Variants in KANK4 observed in about 807,000 individuals in gnomAD.
KANK4 encodes the protein KN motif and ankyrin repeat domains 4, also known as KN motif and ankyrin repeat domain-containing protein 4.
In KANK4, 50 loss-of-function variants were observed where a neutral mutation model predicts 80.8. That is an observed-to-expected ratio of 0.62 (90% CI 0.49 to 0.78). The LOEUF is 0.78. Ranked by LOEUF, KANK4 falls within the 30% of genes least tolerant of loss-of-function variation. The probability of loss-of-function intolerance (pLI) is 0.00; values close to 1 mark genes in which losing one functional copy is unlikely to be tolerated. For missense variants in KANK4, 1,196 were observed against 1,240.1 expected, an observed-to-expected ratio of 0.96 and a Z score of 0.53; for synonymous variants, 465 against 506.9, an observed-to-expected ratio of 0.92 and a Z score of 1.11.
intron 4 of KANK4, among the ~76,000 whole-genome samples, chr1:62,270,876 G>C (rs1672145305): frequency 6.6e-6 from 1 of 152,094 alleles, no homozygotes; most frequent in Admixed American, 6.6e-5. Flanking sequence ...TGTTATCTGT[G>C]AGCTAAAGGC....
At chr1:62,298,935 T>TA (rs60745398) in intron 1 of KANK4, among the ~76,000 whole-genome samples, 66,663 of 151,318 alleles carry the variant, frequency 0.44, 15,865 homozygotes, top group African/African-American at 0.63. Context: ...TATGTATTAT[T>TA]TTTTTTTTTC....
intron 7 of KANK4, 88 bp downstream of exon 7, chr1:62,263,004 A>G: frequency 1.1e-6 from 1 of 908,784 alleles, no homozygotes; most frequent in South Asian, 1.5e-5. Context: ...TGTACCTTTA[A>G]AGCTATTGAA....
intron 1 of KANK4, among the ~76,000 whole-genome samples, chr1:62,304,652 A>T (rs1644436915): frequency 1.3e-5 from 2 of 151,968 alleles, no homozygotes; most frequent in South Asian, 4.2e-4. Flanking sequence ...TAAGCCCAAC[A>T]ACCTCATGCA....
rs200871424 is a variant in KANK4 at position 62,274,277 on chromosome 1, A to G, written c.827T>C (p.Leu276Ser). 6.2e-7 allele frequency: 1 copy of G among 1,614,032 alleles called. No homozygotes were observed. Among genetic ancestry groups the G allele is most frequent in the African/African-American group, 1.3e-5 (1 of 75,054 alleles). ...TGGCGTAGGGGAGCCAGGGGTGAACAACACCTCTGCTTCTCTGGCATTGTG... is the reference window on the plus strand; with the variant it reads ...TGGCGTAGGGGAGCCAGGGGTGAACGACACCTCTGCTTCTCTGGCATTGTG... ...DEHNAREAEV[L>S]FTPGSPTPSP... Residue 276 changes from leucine to serine, a missense_variant, in exon 3 of 10, where the codon TTG becomes TCG. Physicochemically the swap from Leu to Ser is moderately radical, Grantham distance 145. Around this residue, in one of 3 missense-constraint regions of KANK4, gnomAD observed 1,154 missense variants for 1,179.6 expected, o/e 0.98. Transcript: ENST00000371153.
At chr1:62,262,078 A>C (rs1435893524) in intron 7 of KANK4, among the ~76,000 whole-genome samples, 1 of 152,206 alleles carries the variant, frequency 6.6e-6, no homozygotes, top group African/African-American at 2.4e-5. Flanking sequence ...ATATCTAATG[A>C]AAGATGAATG....
intron 7 of KANK4, among the ~76,000 whole-genome samples, chr1:62,256,466 A>C (rs971748103): frequency 2.0e-5 from 3 of 150,896 alleles, no homozygotes; most frequent in African/African-American, 4.9e-5. Context: ...GCTCACTGCG[A>C]TCTCCGCCTC....
intron 1 of KANK4, among the ~76,000 whole-genome samples, chr1:62,298,448 G>T (rs1046390186): frequency 2.0e-5 from 3 of 152,176 alleles, no homozygotes; most frequent in Admixed American, 6.5e-5. Context: ...CTGGAGTGGG[G>T]CCTCATAGTT....
At chr1:62,253,866 G>T (rs1469671258) in intron 7 of KANK4, among the ~76,000 whole-genome samples, 1 of 152,204 alleles carries the variant, frequency 6.6e-6, no homozygotes, top group Non-Finnish European at 1.5e-5. Flanking sequence ...GACACTGAGG[G>T]CCAGAGAAGT....
At chr1:62,285,319 C>A (rs1243734985) in intron 1 of KANK4, among the ~76,000 whole-genome samples, 1 of 152,230 alleles carries the variant, frequency 6.6e-6, no homozygotes, top group Non-Finnish European at 1.5e-5. Context: ...CCAGGCCAGA[C>A]TGGAAACCAT....
intron 8 of KANK4, among the ~76,000 whole-genome samples, chr1:62,251,728 T>C (rs1671624029): frequency 6.6e-6 from 1 of 152,188 alleles, no homozygotes; most frequent in Non-Finnish European, 1.5e-5. Flanking sequence ...GCGCGGTGGC[T>C]CACGCCTGTA....
At chr1:62,256,540 G>A (rs916739747) in intron 7 of KANK4, among the ~76,000 whole-genome samples, 2 of 152,062 alleles carry the variant, frequency 1.3e-5, no homozygotes, top group Admixed American at 6.5e-5. Context: ...GAGCCATCAC[G>A]CCCCACTAAT....
At chr1:62,311,734 T>C (rs1246549971) in intron 1 of KANK4, among the ~76,000 whole-genome samples, 1 of 152,216 alleles carries the variant, frequency 6.6e-6, no homozygotes, top group Non-Finnish European at 1.5e-5. Flanking sequence ...CAGGGGCTGG[T>C]GGGTTTGTGG....
rs146543306 is a variant in KANK4, at chr1:62,274,486, A to T, written c.618T>A (p.Pro206=). 373 of 1,614,194 alleles carry T rather than the reference A, an allele frequency of 2.3e-4. 2 individuals are homozygous for T. In the African/African-American group the frequency reaches 4.6e-3, roughly 20 times the overall value. Residue 206 remains proline (P), a synonymous_variant, in exon 3 of 10, where the codon CCT becomes CCA. Transcript: ENST00000371153. The part of the protein sequence containing the change: ...EGSVCDGTFE[P]AEGLAGFHSS... The stretch of plus-strand genomic sequence containing the variant: ...TGTGGAAACCTGCCAATCCTTCTGC[A>T]GGTTCAAAGGTGCCATCACAGACAC...
At chr1:62,314,276 A>G (rs1644521752) in intron 1 of KANK4, among the ~76,000 whole-genome samples, 2 of 152,212 alleles carry the variant, frequency 1.3e-5, no homozygotes, top group South Asian at 4.2e-4. Flanking sequence ...AGCCTCCCAA[A>G]GTGCTGGCAT....
At chr1:62,260,117 T>C (rs1040711227) in intron 7 of KANK4, among the ~76,000 whole-genome samples, 4 of 152,234 alleles carry the variant, frequency 2.6e-5, no homozygotes, top group Admixed American at 2.0e-4. Flanking sequence ...CTCTCTGCAC[T>C]GTTACCCACT....
intron 1 of KANK4, among the ~76,000 whole-genome samples, chr1:62,304,884 A>T (rs1158918202): frequency 1.3e-5 from 2 of 152,126 alleles, no homozygotes; most frequent in African/African-American, 4.8e-5. Flanking sequence ...TCTGGGCCTC[A>T]GCTGCTTATC....
chr1:62,308,034 C>A (rs775347494), intron 1 of KANK4, among the ~76,000 whole-genome samples: 1 of 152,124 alleles, frequency 6.6e-6, no homozygotes, highest in Non-Finnish European at 1.5e-5. Context: ...CCCGTATCCA[C>A]CCTGTAGGAT....
chr1:62,313,497 T>A (rs1015810828), intron 1 of KANK4, among the ~76,000 whole-genome samples: 3 of 152,236 alleles, frequency 2.0e-5, no homozygotes, highest in African/African-American at 7.2e-5. Flanking sequence ...TCTTTTCCTC[T>A]CACTCCCAAA....
chr1:62,312,369 C>G (rs2149174113), intron 1 of KANK4, among the ~76,000 whole-genome samples: 1 of 152,278 alleles, frequency 6.6e-6, no homozygotes, highest in African/African-American at 2.4e-5. Flanking sequence ...ATTCGTAATA[C>G]AAGAAAATCC....
Sources: gnomAD v4.1 joint callset for allele counts (sites outside exome capture counted in the v4.1 genomes callset) on GRCh38, gnomAD v4.1.1 for gene constraint, gnomAD v4.1.1 regional missense constraint, MANE v1.5 for transcripts, NCBI Gene and HGNC (gene_info 2026-07-23, HGNC 2026-07-21) for gene names.